Variants in PDE10A observed in about 807,000 individuals in gnomAD.
PDE10A encodes the protein cAMP and cAMP-inhibited cGMP 3',5'-cyclic phosphodiesterase 10A.
PDE10A carries 39 observed loss-of-function variants against 97.7 expected under a neutral mutation model. That is an observed-to-expected ratio of 0.40 (90% CI 0.31 to 0.52). PDE10A has a LOEUF of 0.52. PDE10A is among the 20% of genes least tolerant of loss of function. The probability of loss-of-function intolerance (pLI) is 0.56; values close to 1 mark genes in which losing one functional copy is unlikely to be tolerated. For missense variants in PDE10A, 731 were observed against 1,047.8 expected (o/e 0.70, Z 4.17); for synonymous variants, 371 against 376.8 (o/e 0.98, Z 0.18).
intron 1 of PDE10A, among the ~76,000 whole-genome samples, chr6:165,628,051 GA>G (rs1327346279): frequency 5.3e-5 from 8 of 152,176 alleles, no homozygotes; most frequent in African/African-American, 1.7e-4. Flanking sequence ...AAATGCCTGT[GA>G]ATTATAGTAA....
intron 1 of PDE10A, among the ~76,000 whole-genome samples, chr6:165,726,366 C>T (rs1562705997): frequency 6.6e-6 from 1 of 152,198 alleles, no homozygotes; most frequent in Non-Finnish European, 1.5e-5. Context: ...AAATATTTTC[C>T]TGAGGAAAAG....
At chr6:165,604,990 C>G (rs1787140065) in intron 1 of PDE10A, among the ~76,000 whole-genome samples, 2 of 152,150 alleles carry the variant, frequency 1.3e-5, no homozygotes, top group Admixed American at 1.3e-4. Flanking sequence ...TACAAACAAC[C>G]CTCCAGTCAC....
intron 1 of PDE10A, among the ~76,000 whole-genome samples, chr6:165,629,434 G>A (rs1232540558): frequency 6.6e-6 from 1 of 151,358 alleles, no homozygotes; most frequent in East Asian, 1.9e-4. Flanking sequence ...CCGTTTGAAT[G>A]ACATTTTCAA....
chr6:165,957,334 A>G (rs1440638673), intron 1 of PDE10A, among the ~76,000 whole-genome samples: 1 of 152,154 alleles, frequency 6.6e-6, no homozygotes, highest in East Asian at 1.9e-4. Flanking sequence ...TTAAAAAATT[A>G]GTCAGACTTG....
chr6:165,845,143 T>C (rs1362558264), intron 1 of PDE10A, among the ~76,000 whole-genome samples: 1 of 152,218 alleles, frequency 6.6e-6, no homozygotes, highest in Non-Finnish European at 1.5e-5. Context: ...TGCATTATGC[T>C]GGAAACAAAG....
At chr6:165,619,069 G>A (rs796787885) in intron 1 of PDE10A, among the ~76,000 whole-genome samples, 3 of 114,180 alleles carry the variant, frequency 2.6e-5, no homozygotes, top group African/African-American at 1.2e-4. Flanking sequence ...GTAGTGTAGT[G>A]TAGTGTAGTC....
intron 1 of PDE10A, among the ~76,000 whole-genome samples, chr6:165,839,151 C>T (rs9364819): frequency 0.96 from 147,003 of 152,344 alleles, 70,959 homozygotes; most frequent in East Asian, 1. Context: ...TAATGTGACC[C>T]TGAATGAGTC....
chr6:165,928,233 G>C (rs958541304), intron 1 of PDE10A, among the ~76,000 whole-genome samples: 1 of 152,176 alleles, frequency 6.6e-6, no homozygotes, highest in Non-Finnish European at 1.5e-5. Flanking sequence ...AAAGGTACCT[G>C]TTTAGAGGTA....
At chr6:165,896,439 C>T (rs1361662057) in intron 1 of PDE10A, among the ~76,000 whole-genome samples, 6 of 151,724 alleles carry the variant, frequency 4.0e-5, no homozygotes, top group African/African-American at 1.5e-4. Context: ...CTACAACCTC[C>T]ACCTCCTGGG....
At position 165,430,360 on chromosome 6, in the gene PDE10A, A is replaced by C; in HGVS notation, c.1543-15T>G. On this transcript the variant is annotated splice_polypyrimidine_tract_variant and intron_variant, in intron 8 of 21. Coordinates refer to ENST00000539869, the MANE Select transcript of PDE10A (RefSeq NM_001385079.1). ...CCTCTGCATACCTACCATATAAAAT[A>C]ATAGGTACAATTACAAGAGATTTCT... 2.0e-6 allele frequency: 3 copies of C among 1,495,330 alleles called. No individual in the cohort carries two copies. The highest frequency in any genetic ancestry group is 2.8e-6 in the Non-Finnish European group (3 of 1,077,846). The allele number at this position is 1,495,330 out of a possible 1,614,324, so 92.6% of individuals were successfully genotyped here. A position where few individuals can be genotyped will look rare whatever the true frequency, so the allele number is the denominator to read the frequency against.
chr6:165,922,370 C>T (rs76429375), intron 1 of PDE10A, among the ~76,000 whole-genome samples: 6,971 of 152,176 alleles, frequency 0.046, 227 homozygotes, highest in Middle Eastern at 0.075. Flanking sequence ...CCCTGCTGTC[C>T]GCTCCTCTTA....
At chr6:165,694,559 G>T (rs9348036) in intron 1 of PDE10A, among the ~76,000 whole-genome samples, 1 of 152,020 alleles carries the variant, frequency 6.6e-6, no homozygotes, top group Non-Finnish European at 1.5e-5. Context: ...AGCGGGCGGT[G>T]TCGGGAGACC....
chr6:165,644,871 G>A (rs1339892692), intron 1 of PDE10A, among the ~76,000 whole-genome samples: 2 of 152,198 alleles, frequency 1.3e-5, no homozygotes, highest in East Asian at 1.9e-4. Flanking sequence ...CAGGGCAAGC[G>A]TGATTGTCTG....
intron 1 of PDE10A, among the ~76,000 whole-genome samples, chr6:165,574,779 A>G: frequency 6.6e-6 from 1 of 152,280 alleles, no homozygotes; most frequent in East Asian, 1.9e-4. Flanking sequence ...AAACTGTCAT[A>G]CTGGTCATAC....
intron 1 of PDE10A, among the ~76,000 whole-genome samples, chr6:165,563,848 G>C (rs1346526481): frequency 6.6e-6 from 1 of 151,106 alleles, no homozygotes; most frequent in African/African-American, 2.4e-5. Flanking sequence ...CTGAGATCGT[G>C]CCACTGCACT....
chr6:165,911,067 A>C (rs1000136676), intron 1 of PDE10A: 4 of 152,202 alleles, frequency 2.6e-5, no homozygotes, highest in Non-Finnish European at 4.4e-5. Flanking sequence ...AGCCTGACTA[A>C]TCCCGGGCTA....
chr6:165,900,853 G>A (rs184305011), intron 1 of PDE10A, among the ~76,000 whole-genome samples: 98 of 152,276 alleles, frequency 6.4e-4, no homozygotes, highest in African/African-American at 2.3e-3. Context: ...CAATTACACA[G>A]CAAAATATAC....
intron 10 of PDE10A, among the ~76,000 whole-genome samples, chr6:165,425,769 T>TTGTGTGTGTG (rs766723327): frequency 5.8e-4 from 33 of 56,738 alleles, no homozygotes; most frequent in African/African-American, 1.9e-3. Context: ...GAAGGCATGA[T>TTGTGTGTGTG]CGTGTGTGTG....
intron 1 of PDE10A, among the ~76,000 whole-genome samples, chr6:165,794,251 TCA>T (rs1236355580): frequency 2.1e-5 from 3 of 143,854 alleles, no homozygotes; most frequent in Non-Finnish European, 4.5e-5. Flanking sequence ...GCACACCTGC[TCA>T]CACTCACATA....
Sources: allele counts gnomAD v4.1 joint callset (sites outside exome capture counted in the v4.1 genomes callset), GRCh38; gene constraint gnomAD v4.1.1; transcripts MANE v1.5; gene names NCBI Gene and HGNC (gene_info 2026-07-23, HGNC 2026-07-21).